Variants in UST observed in about 807,000 individuals in gnomAD.
UST encodes chondroitin sulfate 2-O-sulfotransferase.
A neutral mutation model predicts 45.6 loss-of-function variants in UST; 21 were observed. The ratio of observed to expected loss-of-function variants is 0.46; its 90% CI spans 0.33 to 0.66. The LOEUF (loss-of-function observed/expected upper bound fraction) is 0.66. UST is among the 30% of genes least tolerant of loss of function. UST has a pLI of 0.02. For synonymous variants in UST, 215 were observed against 200.6 expected (o/e 1.07, Z -0.61); for missense variants, 463 against 512.4 (o/e 0.90, Z 0.93).
intron 1 of UST, among the ~76,000 whole-genome samples, chr6:148,801,686 C>T (rs1432589323): frequency 1.3e-5 from 2 of 152,276 alleles, no homozygotes; most frequent in African/African-American, 2.4e-5. Context: ...CCTCATCCTC[C>T]TGGGGCTTCC....
In UST at chr6:148,964,441, A is replaced by G; in HGVS notation, c.559A>G (p.Ile187Val). 1 of 1,614,206 alleles carries G rather than the reference A, an allele frequency of 6.2e-7. No individual in the cohort carries two copies. Among genetic ancestry groups the G allele is most frequent in the Admixed American group, 1.7e-5 (1 of 60,028 alleles). ...AGGAGACCAGCCTGTCTACATCAAC[A>G]TCATTAGAGACCCCGTCAACCGGTT... The part of the protein sequence containing the change: ...FGGDQPVYIN[I>V]IRDPVNRFLS... Residue 187 changes from isoleucine to valine, a missense_variant, in exon 5 of 8, where the codon ATC (isoleucine) becomes GTC (valine). Physicochemically the swap from Ile to Val is conservative, Grantham distance 29. Around this residue, in one of 2 missense-constraint regions of UST, gnomAD observed 287 missense variants for 374.2 expected, o/e 0.77. Coordinates refer to ENST00000367463, the MANE Select transcript of UST (RefSeq NM_005715.3).
intron 2 of UST, among the ~76,000 whole-genome samples, chr6:148,893,315 A>G (rs1452412932): frequency 1.3e-5 from 2 of 152,248 alleles, no homozygotes; most frequent in African/African-American, 2.4e-5. Flanking sequence ...TAATATTTGT[A>G]TAGTGCTTTG....
chr6:149,004,967 G>A (rs994467151), intron 5 of UST, among the ~76,000 whole-genome samples: 1 of 151,816 alleles, frequency 6.6e-6, no homozygotes, highest in Non-Finnish European at 1.5e-5. Context: ...TGAGTAGCTG[G>A]GACTACAGTA....
intron 2 of UST, among the ~76,000 whole-genome samples, chr6:148,902,070 T>TA (rs1389993170): frequency 5.3e-5 from 8 of 152,236 alleles, no homozygotes; most frequent in African/African-American, 1.9e-4. Context: ...TGATTTTTTA[T>TA]ATGAACATCT....
At chr6:149,067,354 G>A (rs1163791832) in intron 7 of UST, among the ~76,000 whole-genome samples, 1 of 152,166 alleles carries the variant, frequency 6.6e-6, no homozygotes, top group Non-Finnish European at 1.5e-5. Context: ...CTTCATCCAG[G>A]ATGTACTGGT....
chr6:148,980,370 C>T (rs1036674558), intron 5 of UST, among the ~76,000 whole-genome samples: 3 of 152,146 alleles, frequency 2.0e-5, no homozygotes, highest in African/African-American at 7.2e-5. Context: ...CTTTTTTCAA[C>T]TCTCCCATAC....
chr6:148,941,189 A>G (rs1351603121), intron 2 of UST, 90 bp from the exon 3 acceptor site: 3 of 1,485,196 alleles, frequency 2.0e-6, no homozygotes, highest in Non-Finnish European at 2.8e-6. Context: ...GATTTATTAT[A>G]TGAAACAGTT....
intron 7 of UST, among the ~76,000 whole-genome samples, chr6:149,028,770 G>A (rs1776089582): frequency 6.6e-6 from 1 of 152,128 alleles, no homozygotes; most frequent in Admixed American, 6.5e-5. Context: ...GAAATATTAG[G>A]GAGCTAAGAC....
intron 2 of UST, among the ~76,000 whole-genome samples, chr6:148,916,510 T>C (rs1430557058): frequency 6.6e-6 from 1 of 152,206 alleles, no homozygotes; most frequent in Non-Finnish European, 1.5e-5. Context: ...TTCTGGATCC[T>C]GGGTGCCGCC....
intron 1 of UST, among the ~76,000 whole-genome samples, chr6:148,786,153 G>C (rs1776730664): frequency 6.6e-6 from 1 of 151,682 alleles, no homozygotes; most frequent in Non-Finnish European, 1.5e-5. Flanking sequence ...GCCTCAAAGA[G>C]TTTCAACTCT....
At chr6:149,005,643 A>C in intron 5 of UST, 44 of 978,002 alleles carry the variant, frequency 4.5e-5, no homozygotes, top group African/African-American at 5.3e-5. Context: ...ATTAGACCTC[A>C]TTTCTTAAAG....
chr6:149,059,116 G>C (rs77985293), intron 7 of UST, among the ~76,000 whole-genome samples: 3,843 of 152,276 alleles, frequency 0.025, 174 homozygotes, highest in African/African-American at 0.087. Context: ...GCTGACTTAG[G>C]GGGGTGGTTG....
intron 5 of UST, among the ~76,000 whole-genome samples, chr6:149,007,677 G>A: frequency 6.6e-6 from 1 of 151,802 alleles, no homozygotes; most frequent in African/African-American, 2.4e-5. Context: ...ACCTGCCTCG[G>A]CCTCCCAAAA....
At chr6:148,943,672 C>G (rs185165689) in intron 3 of UST, among the ~76,000 whole-genome samples, 3 of 152,252 alleles carry the variant, frequency 2.0e-5, no homozygotes, top group Admixed American at 2.0e-4. Flanking sequence ...TTCTTTCCAG[C>G]CCTGTGATTC....
At chr6:148,858,813 C>T (rs1291759328) in intron 1 of UST, among the ~76,000 whole-genome samples, 1 of 152,352 alleles carries the variant, frequency 6.6e-6, no homozygotes, top group South Asian at 2.1e-4. Context: ...CATGTCTCTA[C>T]AAAGGACGTG....
At chr6:149,073,531 T>C (rs544210328) in intron 7 of UST, among the ~76,000 whole-genome samples, 14 of 152,346 alleles carry the variant, frequency 9.2e-5, no homozygotes, top group South Asian at 2.1e-4. Context: ...AATGGATAGA[T>C]TCTGCTGTTC....
At chr6:148,900,729 G>A (rs115728072) in intron 2 of UST, among the ~76,000 whole-genome samples, 3,241 of 152,244 alleles carry the variant, frequency 0.021, 110 homozygotes, top group African/African-American at 0.074. Flanking sequence ...ATTACAGCAA[G>A]CTTAGTAGCT....
intron 2 of UST, among the ~76,000 whole-genome samples, chr6:148,902,507 A>G (rs1779280274): frequency 6.6e-6 from 1 of 151,764 alleles, no homozygotes; most frequent in Non-Finnish European, 1.5e-5. Flanking sequence ...AAGTGCTAGG[A>G]TTACAGGCAT....
chr6:148,945,663 A>T (rs1005626800), intron 3 of UST, among the ~76,000 whole-genome samples: 89 of 152,248 alleles, frequency 5.8e-4, no homozygotes, highest in African/African-American at 2.1e-3. Flanking sequence ...TCAATTCACG[A>T]TGATTATTCG....
Sources: allele counts gnomAD v4.1 joint callset (sites outside exome capture counted in the v4.1 genomes callset), GRCh38; gene constraint gnomAD v4.1.1; regional missense constraint gnomAD v4.1.1; transcripts MANE v1.5; gene names NCBI Gene and HGNC (gene_info 2026-07-23, HGNC 2026-07-21).